The following CEP128 variants were observed in gnomAD, a reference collection of about 807,000 sequenced individuals.
The protein encoded by CEP128 is centrosomal protein 128kDa.
In CEP128, 132 loss-of-function variants were observed where a neutral mutation model predicts 156.7. The ratio of observed to expected loss-of-function variants is 0.84; its 90% CI spans 0.73 to 0.97. The LOEUF is 0.97. Ranked by LOEUF, CEP128 falls within the 50% of genes least tolerant of loss-of-function variation. CEP128 has a pLI of 0.00. For missense variants in CEP128, 1,252 were observed against 1,281.9 expected (o/e 0.98, Z 0.36); for synonymous variants, 469 against 448.9 (o/e 1.04, Z -0.57).
chr14:80,732,471 G>GGGGTGTGT (rs1555396234), intron 19 of CEP128, among the ~76,000 whole-genome samples: 2 of 127,646 alleles, frequency 1.6e-5, no homozygotes, highest in Non-Finnish European at 3.3e-5. Flanking sequence ...TGATTAAGCA[G>GGGGTGTGT]GTGTGTGTGT....
At position 80,541,723 on chromosome 14, in the gene CEP128, C is replaced by T. The variant is rs1039618799; in HGVS notation, c.2881-10837G>A. Among the ~76,000 whole-genome samples, 11 of 152,144 alleles carry T rather than the reference C, an allele frequency of 7.2e-5. 2 individuals are homozygous for T. The highest frequency in any genetic ancestry group is 7.2e-4 in the Admixed American group (11 of 15,270). ...CATACTTTTGCTTCTGTCCTGAAAG[C>T]TTCTATGCCATCGTGACTTTATACA... On this transcript the variant is annotated intron_variant, in intron 21 of 24. Transcript: ENST00000555265.
intron 19 of CEP128, among the ~76,000 whole-genome samples, chr14:80,708,935 T>C (rs1326344370): frequency 1.3e-5 from 2 of 152,052 alleles, no homozygotes; most frequent in Non-Finnish European, 2.9e-5. Flanking sequence ...TCTAGCTTCA[T>C]TGTAAACTAA....
intron 16 of CEP128, among the ~76,000 whole-genome samples, chr14:80,769,418 T>C (rs1199299028): frequency 6.6e-6 from 1 of 152,106 alleles, no homozygotes; most frequent in African/African-American, 2.4e-5. Context: ...CCTAATGCTA[T>C]CCCTCCCCAC....
intron 20 of CEP128, among the ~76,000 whole-genome samples, chr14:80,561,348 T>C (rs989577082): frequency 5.9e-5 from 9 of 152,238 alleles, no homozygotes; most frequent in Non-Finnish European, 1.3e-4. Flanking sequence ...GACTTGTATA[T>C]TGTCACATTT....
intron 14 of CEP128, among the ~76,000 whole-genome samples, chr14:80,480,879 C>G (rs1451404737): frequency 2.0e-5 from 3 of 152,142 alleles, no homozygotes; most frequent in African/African-American, 7.2e-5. Flanking sequence ...CTCCAGTTCC[C>G]AAAAAGTTCC....
At chr14:80,838,991 C>A (rs916441968) in intron 10 of CEP128, among the ~76,000 whole-genome samples, 2 of 152,052 alleles carry the variant, frequency 1.3e-5, no homozygotes, top group African/African-American at 4.8e-5. Context: ...CCCAGCTACT[C>A]GGGAGGCTGA....
intron 8 of CEP128, among the ~76,000 whole-genome samples, chr14:80,877,714 A>T (rs958796932): frequency 1.3e-5 from 2 of 152,148 alleles, no homozygotes; most frequent in Middle Eastern, 3.4e-3. Context: ...AGCCCTACCC[A>T]CCTAGGGACA....
chr14:80,831,429 T>A (rs1885792859), intron 12 of CEP128, 135 bp from the exon 13 acceptor site: 2 of 845,474 alleles, frequency 2.4e-6, no homozygotes, highest in Non-Finnish European at 3.5e-6. Context: ...CAACAGACTT[T>A]GCCAGCCTGT....
intron 8 of CEP128, among the ~76,000 whole-genome samples, chr14:80,879,126 A>T (rs1380262216): frequency 6.6e-6 from 1 of 152,172 alleles, no homozygotes; most frequent in Non-Finnish European, 1.5e-5. Flanking sequence ...ACAACACTGC[A>T]CTAACAAAGA....
intron 2 of CEP128, among the ~76,000 whole-genome samples, chr14:80,949,355 C>A (rs186601373): frequency 1.3e-5 from 2 of 151,870 alleles, no homozygotes; most frequent in Non-Finnish European, 2.9e-5. Flanking sequence ...GGACAAACTA[C>A]GGGAGGTAGA....
At chr14:80,623,152 C>G (rs1893559596) in intron 19 of CEP128, among the ~76,000 whole-genome samples, 1 of 151,900 alleles carries the variant, frequency 6.6e-6, no homozygotes, top group South Asian at 2.1e-4. Flanking sequence ...AGTTCATGTC[C>G]TTTGTAGGGA....
intron 19 of CEP128, among the ~76,000 whole-genome samples, chr14:80,724,597 T>C (rs1897941755): frequency 6.6e-6 from 1 of 152,058 alleles, no homozygotes. Context: ...TTTTAGATTA[T>C]TCTATGTTTA....
chr14:80,755,173 T>A (rs1899590987), intron 18 of CEP128, among the ~76,000 whole-genome samples: 1 of 152,180 alleles, frequency 6.6e-6, no homozygotes. Flanking sequence ...GCCTACATTT[T>A]TCTCCCATGC....
chr14:80,933,716 C>T (rs1460236778), intron 2 of CEP128, among the ~76,000 whole-genome samples: 5 of 152,190 alleles, frequency 3.3e-5, no homozygotes, highest in East Asian at 1.9e-4. Context: ...CCAACAAATA[C>T]GTCAAGTAGG....
chr14:80,828,378 C>T (rs1885600688), intron 13 of CEP128, among the ~76,000 whole-genome samples: 1 of 152,134 alleles, frequency 6.6e-6, no homozygotes, highest in Non-Finnish European at 1.5e-5. Flanking sequence ...CTGCCTTGGC[C>T]TCCCAAAGTG....
intron 23 of CEP128, among the ~76,000 whole-genome samples, chr14:80,525,360 C>T (rs1286588399): frequency 6.6e-6 from 1 of 152,120 alleles, no homozygotes; most frequent in Non-Finnish European, 1.5e-5. Flanking sequence ...TACAGCCTTG[C>T]TTTCTTCAAT....
chr14:80,771,147 T>C (rs1900490637), intron 16 of CEP128, among the ~76,000 whole-genome samples: 1 of 152,186 alleles, frequency 6.6e-6, no homozygotes, highest in Non-Finnish European at 1.5e-5. Context: ...TTAATTAGAT[T>C]TTTCTAACAA....
intron 19 of CEP128, among the ~76,000 whole-genome samples, chr14:80,707,677 T>G (rs547982021): frequency 3.9e-5 from 6 of 152,192 alleles, no homozygotes; most frequent in Non-Finnish European, 8.8e-5. Flanking sequence ...ACTACATGAT[T>G]TTTACTTAAC....
chr14:80,540,749 G>A (rs796643048), intron 21 of CEP128, among the ~76,000 whole-genome samples: 8 of 152,140 alleles, frequency 5.3e-5, no homozygotes, highest in African/African-American at 1.9e-4. Context: ...GGGGAAGATG[G>A]GCATCTTACT....
Sources: allele counts gnomAD v4.1 joint callset (sites outside exome capture counted in the v4.1 genomes callset), GRCh38; gene constraint gnomAD v4.1.1; transcripts MANE v1.5; gene names NCBI Gene and HGNC (gene_info 2026-07-23, HGNC 2026-07-21).